FAAH2: variants seen among roughly 807,000 people sequenced by gnomAD.
The protein encoded by FAAH2 is fatty acid amide hydrolase 2.
In FAAH2, 60 loss-of-function variants were observed where a neutral mutation model predicts 36.9. The observed-to-expected ratio is 1.63, with a 90% CI of 1.32 to 2.02. The LOEUF (loss-of-function observed/expected upper bound fraction) is 2.02, where lower values mean the gene tolerates loss of function less well. Among genes scored for constraint, FAAH2 ranks in the 30% most tolerant of loss-of-function variants. The pLI is 0.00. For missense variants in FAAH2, 689 were observed against 397.5 expected (o/e 1.73, Z -6.23); for synonymous variants, 214 against 143.8 (o/e 1.49, Z -3.49).
At chrX:57,257,736 A>G in the FAAH2 span, among the ~76,000 whole-genome samples, 1 of 111,642 alleles carries the variant, frequency 9.0e-6, no homozygotes, top group African/African-American at 3.3e-5. Context: ...GGCACCAATA[A>G]GAATAAAATA....
chrX:57,377,564 T>C (rs1222344542), intron 5 of FAAH2, among the ~76,000 whole-genome samples: 1 of 112,376 alleles, frequency 8.9e-6, no homozygotes, highest in African/African-American at 3.2e-5. Flanking sequence ...TAATATTGTT[T>C]GAAGCCAGGT....
At chrX:57,218,821 T>C in the FAAH2 span, among the ~76,000 whole-genome samples, 3 of 111,965 alleles carry the variant, frequency 2.7e-5, no homozygotes, top group Non-Finnish European at 3.8e-5. Flanking sequence ...TGTGAATCTG[T>C]TTGGTCCTGG....
the FAAH2 span, among the ~76,000 whole-genome samples, chrX:57,247,859 TGAAA>T: frequency 1.3e-4 from 15 of 112,449 alleles, no homozygotes; most frequent in Admixed American, 7.5e-4. Context: ...TCCCTATTAC[TGAAA>T]GAGAGTGTTG....
At chrX:57,368,845 A>G (rs1419802481) in intron 5 of FAAH2, among the ~76,000 whole-genome samples, 1 of 111,147 alleles carries the variant, frequency 9.0e-6, no homozygotes, top group Non-Finnish European at 1.9e-5. Flanking sequence ...TACCAATGAA[A>G]CACAATAATT....
chrX:57,276,881 G>T, the FAAH2 span, among the ~76,000 whole-genome samples: 9 of 111,345 alleles, frequency 8.1e-5, no homozygotes, highest in Non-Finnish European at 1.7e-4. Context: ...CCAGGAAAAA[G>T]TTCAATCTCT....
At chrX:57,380,111 T>C (rs749434910) in intron 6 of FAAH2, among the ~76,000 whole-genome samples, 1 of 111,403 alleles carries the variant, frequency 9.0e-6, no homozygotes, top group East Asian at 2.8e-4. Context: ...ATCCTTTATG[T>C]TATGGACAAT....
the FAAH2 span, among the ~76,000 whole-genome samples, chrX:57,216,653 A>AT: frequency 8.6e-5 from 1 of 11,567 alleles, no homozygotes; most frequent in South Asian, 7.1e-3. Flanking sequence ...TATATATACC[A>AT]AAGTTTATCC....
chrX:57,242,147 G>A, the FAAH2 span, among the ~76,000 whole-genome samples: 3 of 112,412 alleles, frequency 2.7e-5, no homozygotes, highest in South Asian at 3.7e-4. Context: ...CCTGACCCCC[G>A]TGCCTCCCGA....
At chrX:57,456,218 TAA>T (rs774241506) in intron 10 of FAAH2, among the ~76,000 whole-genome samples, 1 of 111,044 alleles carries the variant, frequency 9.0e-6, no homozygotes, top group East Asian at 2.8e-4. Context: ...AAAACAAAAT[TAA>T]GACAGTAATT....
intron 10 of FAAH2, among the ~76,000 whole-genome samples, chrX:57,451,089 T>A (rs1407247286): frequency 8.9e-6 from 1 of 111,758 alleles, no homozygotes; most frequent in Non-Finnish European, 1.9e-5. Flanking sequence ...AGGAAACATT[T>A]CCAAAGTCAC....
chrX:57,292,058 A>G (rs2499555), intron 1 of FAAH2, among the ~76,000 whole-genome samples: 1 of 109,799 alleles, frequency 9.1e-6, no homozygotes, highest in Admixed American at 9.7e-5. Flanking sequence ...GGAAACCCTA[A>G]CTTTATGCCC....
chrX:57,392,401 C>T (rs946637705), intron 7 of FAAH2, among the ~76,000 whole-genome samples: 3 of 111,611 alleles, frequency 2.7e-5, no homozygotes, highest in African/African-American at 6.5e-5. Flanking sequence ...TTTGGCAAAA[C>T]TATTTCCTTT....
intron 7 of FAAH2, among the ~76,000 whole-genome samples, chrX:57,414,048 G>T (rs1266424211): frequency 8.9e-6 from 1 of 111,952 alleles, no homozygotes; most frequent in African/African-American, 3.2e-5. Flanking sequence ...TGTAATTTTT[G>T]CACATTGATT....
intron 5 of FAAH2, among the ~76,000 whole-genome samples, chrX:57,353,487 T>TAAAAAAAAAAAAAAAAA: frequency 1.2e-5 from 1 of 83,836 alleles, no homozygotes; most frequent in Non-Finnish European, 2.3e-5. Context: ...CCCAAATTAT[T>TAAAAAAAAAAAAAAAAA]AAAAAAAAAA....
the FAAH2 span, among the ~76,000 whole-genome samples, chrX:57,258,924 G>A: frequency 6.5e-5 from 7 of 107,528 alleles, no homozygotes. Context: ...CTTTCACCGT[G>A]TTAGCCAGGA....
intron 5 of FAAH2, among the ~76,000 whole-genome samples, chrX:57,362,524 A>G (rs1399273579): frequency 2.7e-5 from 3 of 111,651 alleles, no homozygotes; most frequent in Non-Finnish European, 5.7e-5. Flanking sequence ...CATAGTTTGC[A>G]AATATTTTCT....
rs2056776035 is a variant in FAAH2, at chrX:57,451,128, T to C, written c.1423+2410T>C. Among the ~76,000 whole-genome samples the C allele has an allele frequency of 2.7e-5, 3 of 111,616 alleles. No homozygotes were observed. The Admixed American group carries it at 2.9e-4, about 11-fold the overall frequency. On this transcript the variant is annotated intron_variant, in intron 10 of 10. Transcript: ENST00000374900. ...GCTAAGATAATATACGAACTGGGAC[T>C]TTAACCCAGGCCCTATGATTTCAGA...
At chrX:57,228,287 C>T in the FAAH2 span, among the ~76,000 whole-genome samples, 1 of 111,296 alleles carries the variant, frequency 9.0e-6, no homozygotes, top group Non-Finnish European at 1.9e-5. Context: ...GAATTGTCTG[C>T]TTGGGGATCC....
chrX:57,415,837 C>T (rs2055828273), intron 7 of FAAH2, among the ~76,000 whole-genome samples: 1 of 110,726 alleles, frequency 9.0e-6, no homozygotes, highest in African/African-American at 3.3e-5. Context: ...TTAAAGTCTC[C>T]CACTACTATT....
Sources: gnomAD v4.1 joint callset for allele counts (sites outside exome capture counted in the v4.1 genomes callset) on GRCh38, gnomAD v4.1.1 for gene constraint, MANE v1.5 for transcripts, NCBI Gene and HGNC (gene_info 2026-07-23, HGNC 2026-07-21) for gene names.